NRGN: variants seen among roughly 807,000 people sequenced by gnomAD.
NRGN encodes calmodulin-binding protein.
For missense variants in NRGN, 82 were observed against 123.0 expected (o/e 0.67, Z 1.58); for synonymous variants, 47 against 52.8 (o/e 0.89, Z 0.47).
In NRGN at chr11:124,745,639, G is replaced by A. The variant is rs1166475890; in HGVS notation, c.152G>A (p.Arg51His). ...CGGAAGAAGATAAAGAGCGGAGAGC[G>A]CGGCCGGAAGGGCCCGGGCCCTGGG... ...MARKKIKSGE[R>H]GRKGPGPGGP... The change falls in exon 2 of 4, where the codon CGC becomes CAC. Residue 51 changes from arginine to histidine, a missense_variant. Physicochemically the swap from Arg to His is conservative, Grantham distance 29 (BLOSUM62 0). Coordinates refer to ENST00000284292, the MANE Select transcript of NRGN (RefSeq NM_006176.3). This position sits in a 1 kb window ranked among gnomAD's most constrained non-coding sequence, Gnocchi z 6.4. 4.4e-6 allele frequency: 7 copies of A among 1,580,720 alleles called. No individual in the cohort carries two copies. The highest frequency in any genetic ancestry group is 1.1e-5 in the South Asian group (1 of 87,790).
chr11:124,740,211 G>A lies in NRGN; in HGVS notation c.15+112G>A. On this transcript the variant is annotated intron_variant, in intron 1 of 3. Transcript: ENST00000284292. The surrounding 1 kb of genome is among the most constrained non-coding windows in gnomAD (Gnocchi z 7.5). ...GGAAGTGGATGCGGAAGACCTAGGAGCAGAAAGAAAAGGGGTCCTTGCCGA... is the reference window on the plus strand; with the variant it reads ...GGAAGTGGATGCGGAAGACCTAGGAACAGAAAGAAAAGGGGTCCTTGCCGA... The A allele has an allele frequency of 2.4e-6, 2 of 838,854 alleles. No homozygotes were observed. The highest frequency in any genetic ancestry group is 3.3e-6 in the Non-Finnish European group (2 of 612,458). The allele number at this position is 838,854 out of a possible 1,614,324, so 52.0% of individuals were successfully genotyped here. A position where few individuals can be genotyped will look rare whatever the true frequency, so the allele number is the denominator to read the frequency against.
chr11:124,740,112 G>A lies in NRGN; in HGVS notation c.15+13G>A, dbSNP rs1216342874. The A allele has an allele frequency of 1.5e-6, 2 of 1,325,200 alleles. No homozygotes were observed. Among genetic ancestry groups the A allele is most frequent in the African/African-American group, 1.8e-5 (1 of 54,540 alleles). The allele number at this position is 1,325,200 out of a possible 1,614,324, so 82.1% of individuals were successfully genotyped here. A position where few individuals can be genotyped will look rare whatever the true frequency, so the allele number is the denominator to read the frequency against. ...GGACTGCTGCACCGTAAGTTAGAGG[G>A]CCCGGGGGAGGGGCACTTGGCGGGG... On this transcript the variant is annotated intron_variant, in intron 1 of 3. Transcript: ENST00000284292. The surrounding 1 kb of genome is among the most constrained non-coding windows in gnomAD (Gnocchi z 7.5).
In NRGN at chr11:124,745,282, T is replaced by C. The variant is rs1250867642; in HGVS notation, c.16-221T>C. On this transcript the variant is annotated intron_variant, in intron 1 of 3. Coordinates refer to ENST00000284292, the MANE Select transcript of NRGN (RefSeq NM_006176.3). The surrounding 1 kb of genome is among the most constrained non-coding windows in gnomAD (Gnocchi z 6.4). The stretch of plus-strand genomic sequence containing the variant: ...CCTGCCTGCACTTCTCTTTCCTGAA[T>C]TGAGACATGACTGTCCACCTGGCCC... 6.6e-6 allele frequency among the ~76,000 whole-genome samples: 1 copy of C among 152,146 alleles called. No homozygotes were observed. The highest frequency in any genetic ancestry group is 1.5e-5 in the Non-Finnish European group (1 of 68,024).
chr11:124,746,008 G>A (rs1393944852), intron 3 of NRGN, 26 bp downstream of exon 3: 1 of 286,632 alleles, frequency 3.5e-6, no homozygotes, highest in South Asian at 1.6e-4. Flanking sequence ...CCTAGGCGGC[G>A]GGGTGGGACC....
chr11:124,743,814 A>G (rs1255017618), intron 1 of NRGN, among the ~76,000 whole-genome samples: 3 of 151,602 alleles, frequency 2.0e-5, no homozygotes, highest in Non-Finnish European at 4.4e-5. Flanking sequence ...TAATGTGCAG[A>G]ACTGAATTAC....
rs116065979 is a variant in NRGN, at chr11:124,743,659, G to T, written c.16-1844G>T. On this transcript the variant is annotated intron_variant, in intron 1 of 3. Transcript: ENST00000284292. ...AGGCTAACCTTGGGAAACATGGCGA[G>T]GGGAACCATTTATAAGCCGGGGCTT... 6.6e-3 allele frequency among the ~76,000 whole-genome samples: 1,000 copies of T among 152,260 alleles called. 12 individuals are homozygous for T. Among genetic ancestry groups the T allele is most frequent in the African/African-American group, 0.022 (934 of 41,514 alleles).
chr11:124,742,363 C>G (rs573514746), intron 1 of NRGN, among the ~76,000 whole-genome samples: 29 of 152,188 alleles, frequency 1.9e-4, no homozygotes, highest in Non-Finnish European at 3.5e-4. Context: ...GTCTTATTCC[C>G]GTTTCTCCTT....
chr11:124,741,790 G>A (rs1591421337), intron 1 of NRGN, among the ~76,000 whole-genome samples: 1 of 151,998 alleles, frequency 6.6e-6, no homozygotes, highest in African/African-American at 2.4e-5. Context: ...AAGAGGCCAG[G>A]GAAGGAATGG....
At chr11:124,743,884 T>G in intron 1 of NRGN, among the ~76,000 whole-genome samples, 1 of 130,826 alleles carries the variant, frequency 7.6e-6, no homozygotes, top group Non-Finnish European at 1.6e-5. Context: ...GTCAAAGCAG[T>G]GGAAGACTTC....
chr11:124,742,680 A>G (rs926386341), intron 1 of NRGN, among the ~76,000 whole-genome samples: 2 of 152,150 alleles, frequency 1.3e-5, no homozygotes, highest in African/African-American at 4.8e-5. Context: ...CTATTTGTCA[A>G]CTGAGTGACC....
At chr11:124,744,201 A>G (rs941728116) in intron 1 of NRGN, among the ~76,000 whole-genome samples, 1 of 152,246 alleles carries the variant, frequency 6.6e-6, no homozygotes, top group African/African-American at 2.4e-5. Context: ...GAACCATATG[A>G]AATTGTTATT....
At position 124,745,698 on chromosome 11, in the gene NRGN, G is replaced by T; in HGVS notation, c.211G>T (p.Ala71Ser). The T allele has an allele frequency of 7.1e-7, 1 of 1,402,274 alleles. No homozygotes were observed. The highest frequency in any genetic ancestry group is 1.5e-5 in the African/African-American group (1 of 66,506). 86.9% of individuals were successfully genotyped at this position (1,402,274 alleles called of 1,614,324 possible). ...PGGAGVARGG[A>S]GGGPSGD ...CGGAGCTGGGGTGGCCCGGGGAGGC[G>T]CGGGCGGCGGCCCCAGCGGAGACTA... Residue 71 changes from alanine (A) to serine (S), a missense_variant, in exon 2 of 4, where the codon GCG (alanine) becomes TCG (serine). Transcript: ENST00000284292. The surrounding 1 kb of genome is among the most constrained non-coding windows in gnomAD (Gnocchi z 6.4).
chr11:124,743,333 G>A (rs1293553540), intron 1 of NRGN, among the ~76,000 whole-genome samples: 7 of 152,332 alleles, frequency 4.6e-5, no homozygotes, highest in African/African-American at 1.4e-4. Flanking sequence ...CGAGGCCAAG[G>A]AGGAAAGGTA....
At chr11:124,742,361 C>G (rs939235261) in intron 1 of NRGN, among the ~76,000 whole-genome samples, 6 of 152,050 alleles carry the variant, frequency 3.9e-5, no homozygotes, top group African/African-American at 1.2e-4. Context: ...CTGTCTTATT[C>G]CCGTTTCTCC....
In NRGN at chr11:124,743,451, G is replaced by C. The variant is rs1228094263; in HGVS notation, c.16-2052G>C. On this transcript the variant is annotated intron_variant, in intron 1 of 3. Transcript: ENST00000284292. ...GCTCTAAGAATAAAACATTCCAAAG[G>C]AGTCTTTTCTGAGCACCCTAGACCT... is the stretch of plus-strand genomic sequence containing the variant. Among the ~76,000 whole-genome samples the C allele has an allele frequency of 2.6e-5, 4 of 152,136 alleles. No individual in the cohort carries two copies. In the South Asian group the frequency reaches 8.3e-4, roughly 32 times the overall value.
chr11:124,744,070 C>A (rs1482043523), intron 1 of NRGN, among the ~76,000 whole-genome samples: 1 of 152,174 alleles, frequency 6.6e-6, no homozygotes, highest in Non-Finnish European at 1.5e-5. Flanking sequence ...CGTTCCATAG[C>A]CTTTCCTCTG....
In NRGN at chr11:124,740,964, T is replaced by A. The variant is rs1246130225; in HGVS notation, c.15+865T>A. Among the ~76,000 whole-genome samples the A allele has an allele frequency of 6.6e-6, 1 of 152,214 alleles. No individual in the cohort carries two copies. The highest frequency in any genetic ancestry group is 1.5e-5 in the Non-Finnish European group (1 of 68,026). On this transcript the variant is annotated intron_variant, in intron 1 of 3. Coordinates refer to ENST00000284292, the MANE Select transcript of NRGN (RefSeq NM_006176.3). This position sits in a 1 kb window ranked among gnomAD's most constrained non-coding sequence, Gnocchi z 7.5. The stretch of plus-strand genomic sequence containing the variant: ...TATTCCAAAGTCCTTGTATTTTCAG[T>A]CATTCAGTCAACCAGCTAATGATAC...
intron 1 of NRGN, among the ~76,000 whole-genome samples, chr11:124,742,567 C>A (rs752777537): frequency 3.3e-5 from 5 of 152,120 alleles, no homozygotes; most frequent in Admixed American, 1.3e-4. Flanking sequence ...ATCCTCATTT[C>A]TTTTGCTTAG....
chr11:124,744,361 T>G (rs1262967826), intron 1 of NRGN, among the ~76,000 whole-genome samples: 1 of 152,224 alleles, frequency 6.6e-6, no homozygotes, highest in Non-Finnish European at 1.5e-5. Flanking sequence ...CCACGACCCA[T>G]AGAGGTGGAT....
Sources: allele counts gnomAD v4.1 joint callset (sites outside exome capture counted in the v4.1 genomes callset), GRCh38; gene constraint gnomAD v4.1.1; non-coding constraint Gnocchi (gnomAD v3.1); transcripts MANE v1.5; gene names NCBI Gene and HGNC (gene_info 2026-07-23, HGNC 2026-07-21).